Variants in ZEB1 observed in about 807,000 individuals in gnomAD.
The protein encoded by ZEB1 is zinc finger E-box-binding homeobox 1.
In ZEB1, 21 loss-of-function variants were observed where a neutral mutation model predicts 84.9. That is an observed-to-expected ratio of 0.25 (90% CI 0.18 to 0.36). The LOEUF is 0.36. Among genes scored for constraint, ZEB1 ranks in the 10% least tolerant of loss-of-function variants. The pLI is 1.00. For synonymous variants in ZEB1, 420 were observed against 471.1 expected (o/e 0.89, Z 1.41); for missense variants, 1,104 against 1,330.2 (o/e 0.83, Z 2.65).
At chr10:31,401,500 G>A (rs749073895) in intron 1 of ZEB1, among the ~76,000 whole-genome samples, 1 of 152,184 alleles carries the variant, frequency 6.6e-6, no homozygotes, top group African/African-American at 2.4e-5. Flanking sequence ...AACTTGAGAT[G>A]TGTGCAGGTG....
chr10:31,359,034 C>G (rs1041882771), intron 1 of ZEB1, among the ~76,000 whole-genome samples: 1 of 151,086 alleles, frequency 6.6e-6, no homozygotes, highest in Non-Finnish European at 1.5e-5. Flanking sequence ...TCGTTTTGCC[C>G]CAAATCAAGG....
intron 2 of ZEB1, among the ~76,000 whole-genome samples, chr10:31,493,966 T>C (rs575695050): frequency 1.3e-5 from 2 of 152,100 alleles, no homozygotes; most frequent in South Asian, 2.1e-4. Flanking sequence ...AAAATAGTTA[T>C]AAGTAGAAAA....
At chr10:31,443,185 C>T (rs966164416) in intron 1 of ZEB1, among the ~76,000 whole-genome samples, 7 of 152,044 alleles carry the variant, frequency 4.6e-5, no homozygotes, top group East Asian at 3.8e-4. Context: ...TTTGTGTGTG[C>T]GAATTGCTTG....
chr10:31,407,284 C>A (rs1690879553), intron 1 of ZEB1, among the ~76,000 whole-genome samples: 2 of 138,786 alleles, frequency 1.4e-5, no homozygotes, highest in African/African-American at 5.4e-5. Context: ...TGTGATGTTC[C>A]CCTTCCTGTG....
intron 2 of ZEB1, among the ~76,000 whole-genome samples, chr10:31,492,291 T>C (rs887491118): frequency 5.9e-5 from 9 of 151,904 alleles, no homozygotes; most frequent in African/African-American, 2.2e-4. Flanking sequence ...GTTTCTCATT[T>C]TCAATATAGT....
intron 1 of ZEB1, among the ~76,000 whole-genome samples, chr10:31,412,697 G>GA (rs1158602747): frequency 6.6e-6 from 1 of 152,146 alleles, no homozygotes; most frequent in Non-Finnish European, 1.5e-5. Flanking sequence ...ACTGCTTATA[G>GA]AATGCTATGG....
rs1404935644 is a variant in ZEB1, at chr10:31,520,518, G to C, written c.1186G>C (p.Val396Leu). The change falls in exon 7 of 9, where the codon GTT (valine) becomes CTT (leucine). Residue 396 changes from valine to leucine, a missense_variant. Coordinates refer to ENST00000424869, the MANE Select transcript of ZEB1 (RefSeq NM_001174096.2). This position sits in a 1 kb window ranked among gnomAD's most constrained non-coding sequence, Gnocchi z 5.1. ...SSPQGMVQAV[V>L]LPTVGLVSPI... ...TCCTCAGGGCATGGTGCAAGCTGTT[G>C]TTCTGCCAACAGTTGGTTTGGTGTC... 1.2e-6 allele frequency: 2 copies of C among 1,613,734 alleles called. No homozygotes were observed. The highest frequency in any genetic ancestry group is 2.2e-5 in the South Asian group (2 of 91,076).
intron 1 of ZEB1, among the ~76,000 whole-genome samples, chr10:31,356,054 G>A (rs2042069877): frequency 6.6e-6 from 1 of 152,032 alleles, no homozygotes; most frequent in African/African-American, 2.4e-5. Context: ...GTATTTGACA[G>A]AAATGTAAAA....
intron 5 of ZEB1, 70 bp from the exon 6 acceptor site, chr10:31,514,533 A>G (rs2070723272): frequency 1.5e-6 from 2 of 1,367,380 alleles, no homozygotes. Flanking sequence ...TGTCACTCTT[A>G]GTAGATTGGA....
At chr10:31,490,115 T>A (rs1257327040) in intron 2 of ZEB1, among the ~76,000 whole-genome samples, 2 of 151,510 alleles carry the variant, frequency 1.3e-5, no homozygotes, top group Admixed American at 6.6e-5. Flanking sequence ...AGTATTTTTT[T>A]AAACTAGTTT....
chr10:31,439,470 C>T (rs1439836532), intron 1 of ZEB1, among the ~76,000 whole-genome samples: 1 of 151,884 alleles, frequency 6.6e-6, no homozygotes, highest in East Asian at 1.9e-4. Context: ...GACTTTTTTG[C>T]CGATTTACTA....
intron 2 of ZEB1, among the ~76,000 whole-genome samples, chr10:31,474,108 T>G (rs1286013497): frequency 2.0e-5 from 3 of 152,270 alleles, no homozygotes; most frequent in Non-Finnish European, 2.9e-5. Context: ...GTAAAAACCC[T>G]AGAAGAAAAC....
chr10:31,322,261 A>G (rs1480536478), intron 1 of ZEB1, among the ~76,000 whole-genome samples: 1 of 152,244 alleles, frequency 6.6e-6, no homozygotes, highest in Admixed American at 6.5e-5. Flanking sequence ...GTGCTGGTTA[A>G]TATTTCTTAG....
intron 1 of ZEB1, among the ~76,000 whole-genome samples, chr10:31,353,472 T>C (rs2041633298): frequency 6.6e-6 from 1 of 152,204 alleles, no homozygotes; most frequent in African/African-American, 2.4e-5. Context: ...TAGAAACAAG[T>C]GGCTATTTGC....
chr10:31,449,456 A>G (rs550270829), intron 1 of ZEB1, among the ~76,000 whole-genome samples: 21 of 152,132 alleles, frequency 1.4e-4, no homozygotes, highest in African/African-American at 3.9e-4. Flanking sequence ...TTTTCTTCTA[A>G]TACTTTTATG....
intron 2 of ZEB1, among the ~76,000 whole-genome samples, chr10:31,469,111 G>A (rs2062822070): frequency 6.6e-6 from 1 of 152,142 alleles, no homozygotes; most frequent in Non-Finnish European, 1.5e-5. Context: ...ATTTGCTGAA[G>A]GAACTTCAAA....
chr10:31,371,527 T>A (rs746776807), intron 1 of ZEB1, among the ~76,000 whole-genome samples: 6 of 152,180 alleles, frequency 3.9e-5, no homozygotes, highest in African/African-American at 7.2e-5. Context: ...AAATGCTTCT[T>A]GATATAAAGT....
chr10:31,379,429 CTG>C, intron 1 of ZEB1, among the ~76,000 whole-genome samples: 1 of 151,770 alleles, frequency 6.6e-6, no homozygotes, highest in African/African-American at 2.4e-5. Context: ...CTCTGTCTGT[CTG>C]TCTCTCTCTC....
chr10:31,404,342 C>T (rs1381385411), intron 1 of ZEB1, among the ~76,000 whole-genome samples: 1 of 151,750 alleles, frequency 6.6e-6, no homozygotes, highest in Non-Finnish European at 1.5e-5. Flanking sequence ...CTGCTTTATA[C>T]ATTCTTTACC....
Sources: allele counts gnomAD v4.1 joint callset (sites outside exome capture counted in the v4.1 genomes callset), GRCh38; gene constraint gnomAD v4.1.1; non-coding constraint Gnocchi (gnomAD v3.1); transcripts MANE v1.5; gene names NCBI Gene and HGNC (gene_info 2026-07-23, HGNC 2026-07-21).